INO80D: variants seen among roughly 807,000 people sequenced by gnomAD.
INO80D encodes INO80 complex subunit D.
A neutral mutation model predicts 87.6 loss-of-function variants in INO80D; 21 were observed. That is an observed-to-expected ratio of 0.24 (90% CI 0.17 to 0.35). The LOEUF (loss-of-function observed/expected upper bound fraction) is 0.35, where lower values mean the gene tolerates loss of function less well. INO80D is among the 10% of genes least tolerant of loss of function. INO80D has a pLI of 1.00. For synonymous variants in INO80D, 440 were observed against 491.0 expected, an observed-to-expected ratio of 0.90 and a Z score of 1.37; for missense variants, 982 against 1,280.7, an observed-to-expected ratio of 0.77 and a Z score of 3.56.
intron 1 of INO80D, among the ~76,000 whole-genome samples, chr2:206,081,748 C>T (rs1268754807): frequency 6.3e-5 from 9 of 142,590 alleles, no homozygotes; most frequent in African/African-American, 2.3e-4. Context: ...CAGAGTGAGA[C>T]CCTGTCTCAA....
rs145375529 is a variant in INO80D at position 206,006,709 on chromosome 2, G to A, written c.1918+575C>T. On this transcript the variant is annotated intron_variant, in intron 10 of 10. Transcript: ENST00000403263. Reference sequence around the variant, plus strand: ...AAAAAAAAAAAAAAAAGTCATATTCGAGATGTCTTTGTTCAAAAATAAAGC... The same window carrying A: ...AAAAAAAAAAAAAAAAGTCATATTCAAGATGTCTTTGTTCAAAAATAAAGC... Among the ~76,000 whole-genome samples the A allele has an allele frequency of 7.6e-3, 1,148 of 150,476 alleles. 11 individuals are homozygous for A. Among genetic ancestry groups the A allele is most frequent in the Non-Finnish European group, 0.013 (906 of 67,762 alleles).
rs948409529 is a variant in INO80D at position 206,085,272 on chromosome 2, G to C, written c.-124+629C>G. 2.7e-5 allele frequency among the ~76,000 whole-genome samples: 4 copies of C among 150,064 alleles called. No homozygotes were observed. The highest frequency in any genetic ancestry group is 5.9e-5 in the Non-Finnish European group (4 of 67,286). On this transcript the variant is annotated intron_variant, in intron 1 of 10. Transcript: ENST00000403263. This position sits in a 1 kb window ranked among gnomAD's most constrained non-coding sequence, Gnocchi z 4.5. ...CGCCCGCCCCGCCCCGCCCCGGCCT[G>C]GCCGTCCGGAGCGCGGAGGAGGGGG...
At position 206,021,619 on chromosome 2, in the gene INO80D, C is replaced by G. The variant is rs1288187672; in HGVS notation, c.1299-1774G>C. Among the ~76,000 whole-genome samples, 4 of 152,026 alleles carry G rather than the reference C, an allele frequency of 2.6e-5. No homozygotes were observed. In the East Asian group the frequency reaches 7.7e-4, roughly 29 times the overall value. ...GTCTCCATATTAAAGGGATACTTCT[C>G]TTTTTTTATTTTGAGACGGAGTTTT... is the stretch of plus-strand genomic sequence containing the variant. On this transcript the variant is annotated intron_variant, in intron 6 of 10. Coordinates refer to ENST00000403263, the MANE Select transcript of INO80D (RefSeq NM_017759.5).
At chr2:206,079,700 T>G (rs901303245) in intron 1 of INO80D, among the ~76,000 whole-genome samples, 3 of 152,306 alleles carry the variant, frequency 2.0e-5, no homozygotes, top group South Asian at 2.1e-4. Context: ...TCAAATCCTC[T>G]AAATCTCAAG....
intron 3 of INO80D, among the ~76,000 whole-genome samples, chr2:206,059,869 C>G (rs1216814954): frequency 1.3e-5 from 2 of 152,100 alleles, no homozygotes; most frequent in Non-Finnish European, 2.9e-5. Flanking sequence ...GATAACTGCA[C>G]TAACCAAAAA....
chr2:206,056,156 G>A, intron 4 of INO80D, 42 bp downstream of exon 4: 1 of 1,511,502 alleles, frequency 6.6e-7, no homozygotes, highest in Non-Finnish European at 8.9e-7. Flanking sequence ...AACACATTTT[G>A]TCATATTATG....
chr2:206,054,086 G>A (rs1034164235), intron 4 of INO80D, among the ~76,000 whole-genome samples: 9 of 151,880 alleles, frequency 5.9e-5, no homozygotes, highest in South Asian at 2.1e-4. Context: ...GTGATTCACC[G>A]GCCTCAGCCT....
intron 1 of INO80D, among the ~76,000 whole-genome samples, chr2:206,082,717 A>C (rs1007769295): frequency 1.1e-4 from 16 of 152,220 alleles, no homozygotes; most frequent in African/African-American, 3.4e-4. Flanking sequence ...TCAAATATAA[A>C]TGACTTTTCA....
chr2:206,059,452 A>C (rs1053275577), intron 3 of INO80D, among the ~76,000 whole-genome samples: 2 of 152,188 alleles, frequency 1.3e-5, no homozygotes, highest in Non-Finnish European at 2.9e-5. Flanking sequence ...GCTCCAAAAA[A>C]CATAGTTTGG....
intron 3 of INO80D, among the ~76,000 whole-genome samples, chr2:206,058,142 C>A (rs560029550): frequency 6.6e-6 from 1 of 152,132 alleles, no homozygotes; most frequent in African/African-American, 2.4e-5. Context: ...CTATAAAGGC[C>A]GGGCACAATG....
At position 206,003,100 on chromosome 2, in the gene INO80D, T is replaced by C. The variant is rs112508176; in HGVS notation, c.*1268A>G. 1.3e-5 allele frequency: 2 copies of C among 152,332 alleles called. No homozygotes were observed. Among genetic ancestry groups the C allele is most frequent in the Non-Finnish European group, 2.9e-5 (2 of 68,032 alleles). The allele number at this position is 152,332 out of a possible 1,614,324, so 9.4% of individuals were successfully genotyped here. A position where few individuals can be genotyped will look rare whatever the true frequency, so the allele number is the denominator to read the frequency against. On this transcript the variant is annotated 3_prime_UTR_variant, in exon 11 of 11. Transcript: ENST00000403263. ...TTCAAATTTACTTAAACCCAAGTACTTGAATTATTTTAAAAGGACCAAAGG... is the reference window on the plus strand; with the variant it reads ...TTCAAATTTACTTAAACCCAAGTACCTGAATTATTTTAAAAGGACCAAAGG...
At chr2:206,033,139 C>T (rs1465177993) in intron 5 of INO80D, among the ~76,000 whole-genome samples, 1 of 152,158 alleles carries the variant, frequency 6.6e-6, no homozygotes, top group Non-Finnish European at 1.5e-5. Flanking sequence ...CAGAAAAAGG[C>T]ATTCCATGCA....
At chr2:206,025,098 T>C (rs1322625268) in intron 6 of INO80D, among the ~76,000 whole-genome samples, 2 of 152,132 alleles carry the variant, frequency 1.3e-5, no homozygotes, top group Admixed American at 6.6e-5. Context: ...AAGTGACTTA[T>C]GATCATTACA....
rs916983451 is a variant in INO80D, at chr2:206,085,425, C to T, written c.-124+476G>A. The stretch of plus-strand genomic sequence containing the variant: ...ACGCCCCTGTCCCGGCAGCCCGGGC[C>T]TGCCGCCCCGCGGGAAAGCCTCCGG... On this transcript the variant is annotated intron_variant, in intron 1 of 10. Transcript: ENST00000403263. This position sits in a 1 kb window ranked among gnomAD's most constrained non-coding sequence, Gnocchi z 4.5. 1 of 152,004 alleles carries T rather than the reference C, an allele frequency of 6.6e-6. No individual in the cohort carries two copies. Among genetic ancestry groups the T allele is most frequent in the Non-Finnish European group, 1.5e-5 (1 of 67,972 alleles). 9.4% of individuals were successfully genotyped at this position (152,004 alleles called of 1,614,324 possible).
At chr2:206,026,722 T>C (rs1688625176) in intron 6 of INO80D, among the ~76,000 whole-genome samples, 1 of 150,768 alleles carries the variant, frequency 6.6e-6, no homozygotes, top group African/African-American at 2.4e-5. Context: ...AATATAACTT[T>C]GTATTTTTTA....
intron 8 of INO80D, among the ~76,000 whole-genome samples, chr2:206,014,946 G>C (rs572623637): frequency 6.6e-6 from 1 of 152,306 alleles, no homozygotes; most frequent in East Asian, 1.9e-4. Context: ...AACTTGTTGA[G>C]AACTGGAGCA....
At chr2:206,011,503 A>G (rs1688173818) in intron 8 of INO80D, among the ~76,000 whole-genome samples, 1 of 152,162 alleles carries the variant, frequency 6.6e-6, no homozygotes, top group South Asian at 2.1e-4. Flanking sequence ...CTGTTCTTTT[A>G]CCTAGCTTCA....
At chr2:206,041,407 G>A (rs1689046311) in intron 5 of INO80D, among the ~76,000 whole-genome samples, 2 of 152,174 alleles carry the variant, frequency 1.3e-5, no homozygotes, top group Non-Finnish European at 2.9e-5. Context: ...GAACGATGGA[G>A]TGGCTATGTT....
intron 3 of INO80D, 80 bp from the exon 4 acceptor site, chr2:206,057,023 CTAA>C: frequency 7.3e-7 from 1 of 1,377,584 alleles, no homozygotes; most frequent in Non-Finnish European, 9.7e-7. Flanking sequence ...CATGAGAATC[CTAA>C]TGTTAAAAAT....
Sources: gnomAD v4.1 joint callset for allele counts (sites outside exome capture counted in the v4.1 genomes callset) on GRCh38, gnomAD v4.1.1 for gene constraint, Gnocchi (gnomAD v3.1) non-coding constraint, MANE v1.5 for transcripts, NCBI Gene and HGNC (gene_info 2026-07-23, HGNC 2026-07-21) for gene names.